DOCK3: variants seen among roughly 807,000 people sequenced by gnomAD.
The protein encoded by DOCK3 is dedicator of cytokinesis protein 3.
DOCK3 carries 60 observed loss-of-function variants against 265.6 expected under a neutral mutation model. The ratio of observed to expected loss-of-function variants is 0.23; its 90% CI spans 0.18 to 0.28. The LOEUF (loss-of-function observed/expected upper bound fraction) is 0.28, where lower values mean the gene tolerates loss of function less well. DOCK3 is among the 10% of genes least tolerant of loss of function. The pLI is 1.00. For synonymous variants in DOCK3, 881 were observed against 938.0 expected (o/e 0.94, Z 1.11); for missense variants, 1,981 against 2,594.3 (o/e 0.76, Z 5.14).
Position 50,675,256 on chromosome 3 carries a change from G to A in DOCK3, c.-8G>A, listed in dbSNP as rs1169549725. ...CGCCGCGCCCGCGGGGCCGCGCCCG[G>A]CACGGCCATGTGGACCCCCACGGAG... On this transcript the variant is annotated 5_prime_UTR_variant, in exon 1 of 53. Transcript: ENST00000266037. The surrounding 1 kb of genome is among the most constrained non-coding windows in gnomAD (Gnocchi z 6.1). 3.3e-6 allele frequency: 4 copies of A among 1,215,822 alleles called. No homozygotes were observed. Among genetic ancestry groups the A allele is most frequent in the Non-Finnish European group, 3.1e-6 (3 of 965,746 alleles). 75.3% of individuals were successfully genotyped at this position (1,215,822 alleles called of 1,614,324 possible).
At chr3:51,100,533 C>T (rs971898502) in intron 9 of DOCK3, among the ~76,000 whole-genome samples, 3 of 152,038 alleles carry the variant, frequency 2.0e-5, no homozygotes, top group Non-Finnish European at 4.4e-5. Context: ...CTGAACCATG[C>T]GTATCCAAGG....
intron 2 of DOCK3, among the ~76,000 whole-genome samples, chr3:50,813,549 A>T (rs2106796070): frequency 6.6e-6 from 1 of 152,204 alleles, no homozygotes; most frequent in Middle Eastern, 3.4e-3. Flanking sequence ...GAAAAAAGAA[A>T]ATGCATTTAA....
At chr3:50,735,510 G>A (rs552840514) in intron 1 of DOCK3, among the ~76,000 whole-genome samples, 2 of 151,878 alleles carry the variant, frequency 1.3e-5, no homozygotes, top group East Asian at 1.9e-4. Context: ...TGCTAATTTT[G>A]TATTTTTAAT....
chr3:50,688,323 C>G (rs1341649465), intron 1 of DOCK3, among the ~76,000 whole-genome samples: 1 of 152,118 alleles, frequency 6.6e-6, no homozygotes, highest in African/African-American at 2.4e-5. Flanking sequence ...TGCTTGGTCT[C>G]CATGTGGTGA....
intron 1 of DOCK3, among the ~76,000 whole-genome samples, chr3:50,736,557 C>T (rs2038633845): frequency 6.6e-6 from 1 of 152,148 alleles, no homozygotes; most frequent in Non-Finnish European, 1.5e-5. Flanking sequence ...TCCTCTCCAG[C>T]ATCTGTTGTT....
chr3:51,146,924 G>A (rs1366426371), intron 10 of DOCK3, among the ~76,000 whole-genome samples: 3 of 151,950 alleles, frequency 2.0e-5, no homozygotes, highest in African/African-American at 4.8e-5. Flanking sequence ...AACCAGCCTG[G>A]ACAACATGCC....
chr3:51,026,269 GGT>G (rs1491351331), intron 5 of DOCK3, among the ~76,000 whole-genome samples: 4 of 151,974 alleles, frequency 2.6e-5, no homozygotes, highest in Non-Finnish European at 5.9e-5. Context: ...CCATTGATGT[GGT>G]GAATCACATT....
At chr3:50,699,725 G>A (rs1019715188) in intron 1 of DOCK3, among the ~76,000 whole-genome samples, 5 of 152,092 alleles carry the variant, frequency 3.3e-5, no homozygotes, top group East Asian at 1.9e-4. Context: ...TTACTGCAGC[G>A]CAAGAGGCTT....
At chr3:51,127,991 G>C (rs2084342474) in intron 9 of DOCK3, among the ~76,000 whole-genome samples, 1 of 152,108 alleles carries the variant, frequency 6.6e-6, no homozygotes, top group African/African-American at 2.4e-5. Flanking sequence ...TGATAGTCCA[G>C]GTCAGTCACC....
intron 4 of DOCK3, among the ~76,000 whole-genome samples, chr3:50,911,600 C>G (rs1264471908): frequency 6.6e-6 from 1 of 151,978 alleles, no homozygotes; most frequent in African/African-American, 2.4e-5. Flanking sequence ...ATGCCTCCAG[C>G]TTTGTTCTTT....
chr3:51,327,019 T>TA (rs2084174039), intron 32 of DOCK3, among the ~76,000 whole-genome samples: 1 of 152,158 alleles, frequency 6.6e-6, no homozygotes, highest in Non-Finnish European at 1.5e-5. Context: ...TCTCAACCTG[T>TA]AATCACTGGA....
At chr3:51,060,362 G>A (rs565146100) in intron 5 of DOCK3, among the ~76,000 whole-genome samples, 1 of 151,954 alleles carries the variant, frequency 6.6e-6, no homozygotes, top group Non-Finnish European at 1.5e-5. Context: ...CACTCTGATG[G>A]TAGTTTCTTT....
chr3:51,115,267 C>T (rs977177059), intron 9 of DOCK3, among the ~76,000 whole-genome samples: 27 of 152,270 alleles, frequency 1.8e-4, no homozygotes, highest in South Asian at 8.3e-4. Context: ...ACCAACAGTG[C>T]GAAAGCGTCC....
intron 20 of DOCK3, 141 bp downstream of exon 20, chr3:51,236,569 C>T: frequency 1.4e-6 from 1 of 726,932 alleles, no homozygotes; most frequent in Non-Finnish European, 2.3e-6. Context: ...GACTGTCACC[C>T]AAGGAAGACC....
chr3:50,884,339 C>T (rs1297326294), intron 3 of DOCK3, among the ~76,000 whole-genome samples: 2 of 152,170 alleles, frequency 1.3e-5, no homozygotes, highest in Non-Finnish European at 1.5e-5. Context: ...GATTTGCCCG[C>T]CTTGGCCTCT....
intron 2 of DOCK3, among the ~76,000 whole-genome samples, chr3:50,811,122 G>T (rs988537803): frequency 6.6e-6 from 1 of 152,164 alleles, no homozygotes; most frequent in Non-Finnish European, 1.5e-5. Context: ...GACCAGGTAT[G>T]GTGGCTCATG....
chr3:51,080,026 A>G (rs996450442), intron 7 of DOCK3, among the ~76,000 whole-genome samples: 1 of 152,216 alleles, frequency 6.6e-6, no homozygotes, highest in Non-Finnish European at 1.5e-5. Context: ...TCTGGTATAA[A>G]TCAGTCAATT....
At chr3:50,736,069 G>T (rs1158543179) in intron 1 of DOCK3, among the ~76,000 whole-genome samples, 2 of 152,056 alleles carry the variant, frequency 1.3e-5, no homozygotes, top group African/African-American at 4.8e-5. Flanking sequence ...CCCCACAATG[G>T]GCCCTGGTGT....
In DOCK3 at chr3:50,886,208, A is replaced by ATATATATATATATG. The variant is rs1399056611; in HGVS notation, c.163-3817_163-3816insATATATATATATGT. ...TGGAGATATATATATATATATATAT[A>ATATATATATATATG]TTCCAGAGTTTTTAGGTATGCACTA... On this transcript the variant is annotated intron_variant, in intron 3 of 52. Coordinates refer to ENST00000266037, the MANE Select transcript of DOCK3 (RefSeq NM_004947.5). 8.0e-3 allele frequency among the ~76,000 whole-genome samples: 1,100 copies of ATATATATATATATG among 136,812 alleles called. 49 individuals are homozygous for ATATATATATATATG. Among genetic ancestry groups the ATATATATATATATG allele is most frequent in the Non-Finnish European group, 0.012 (754 of 60,450 alleles). 89.8% of individuals were successfully genotyped at this position (136,812 alleles called of 152,430 possible).
Sources: allele counts gnomAD v4.1 joint callset (sites outside exome capture counted in the v4.1 genomes callset), GRCh38; gene constraint gnomAD v4.1.1; non-coding constraint Gnocchi (gnomAD v3.1); transcripts MANE v1.5; gene names NCBI Gene and HGNC (gene_info 2026-07-23, HGNC 2026-07-21).